Variants in PIEZO2 observed in about 807,000 individuals in gnomAD.
The protein encoded by PIEZO2 is piezo type mechanosensitive ion channel component 2, also known as piezo-type mechanosensitive ion channel component 2.
Under a neutral mutation model 337.3 loss-of-function variants are expected in PIEZO2, and 172 were observed. That is an observed-to-expected ratio of 0.51 (90% confidence interval 0.45 to 0.58). The LOEUF (loss-of-function observed/expected upper bound fraction) is 0.58, where lower values mean the gene tolerates loss of function less well. Among genes scored for constraint, PIEZO2 ranks in the 20% least tolerant of loss-of-function variants. The pLI, the probability that PIEZO2 is intolerant of heterozygous loss-of-function variation, is 0.00. For synonymous variants in PIEZO2, 1,251 were observed against 1,228.5 expected (o/e 1.02, Z -0.38); for missense variants, 3,028 against 3,391.3 (o/e 0.89, Z 2.66).
intron 1 of PIEZO2, among the ~76,000 whole-genome samples, chr18:11,075,962 A>G (rs1435203814): frequency 6.6e-6 from 1 of 151,822 alleles, no homozygotes; most frequent in African/African-American, 2.4e-5. Context: ...GCTAATTTGT[A>G]TTTTTAGTAG....
chr18:10,780,765 T>C (rs2038954342), intron 17 of PIEZO2, among the ~76,000 whole-genome samples: 1 of 149,620 alleles, frequency 6.7e-6, no homozygotes, highest in African/African-American at 2.5e-5. Flanking sequence ...TGGGTTCAAG[T>C]GATTCTCCTG....
At chr18:10,897,253 C>G (rs971666457) in intron 4 of PIEZO2, among the ~76,000 whole-genome samples, 3 of 151,984 alleles carry the variant, frequency 2.0e-5, no homozygotes, top group African/African-American at 7.3e-5. Flanking sequence ...GTGGTGCAAC[C>G]TCGGCTCACT....
At position 10,763,259 on chromosome 18, in the gene PIEZO2, G is replaced by A. The variant is rs568068249; in HGVS notation, c.2947-161C>T. ...CCCTAGGTGCTGGGGTACTAAAGTAGGTGAGTTATGGTCTCACCCCTCAAG... is the reference window on the plus strand; with the variant it reads ...CCCTAGGTGCTGGGGTACTAAAGTAAGTGAGTTATGGTCTCACCCCTCAAG... On this transcript the variant is annotated intron_variant, in intron 21 of 55. Coordinates refer to ENST00000674853, the MANE Select transcript of PIEZO2 (RefSeq NM_001378183.1). 3.0e-4 allele frequency: 207 copies of A among 687,810 alleles called. No homozygotes were observed. The African/African-American group carries it at 3.5e-3, about 11-fold the overall frequency. 42.6% of individuals were successfully genotyped at this position (687,810 alleles called of 1,614,324 possible).
chr18:10,841,967 C>T (rs1221194431), intron 7 of PIEZO2, among the ~76,000 whole-genome samples: 2 of 152,056 alleles, frequency 1.3e-5, no homozygotes, highest in East Asian at 3.9e-4. Context: ...ACCATCCTGG[C>T]CAACATGGTG....
intron 3 of PIEZO2, among the ~76,000 whole-genome samples, chr18:10,924,323 C>A (rs528132800): frequency 6.6e-6 from 1 of 151,586 alleles, no homozygotes; most frequent in South Asian, 2.1e-4. Flanking sequence ...TGCCAAAATT[C>A]CCCTGAAATT....
At position 10,704,652 on chromosome 18, in the gene PIEZO2, C is replaced by T. The variant is rs1598379217; in HGVS notation, c.6000G>A (p.Lys2000=). 3 of 1,534,956 alleles carry T rather than the reference C, an allele frequency of 2.0e-6. No homozygotes were observed. Among genetic ancestry groups the T allele is most frequent in the Admixed American group, 2.0e-5 (1 of 50,960 alleles). ...ELTASELLLK[K]MFHDDELEES... ...CTTCAAGCTCATCGTCGTGAAACATCCTGTTAAAGCAAACCACATGATAAT... is the reference window on the plus strand; with the variant it reads ...CTTCAAGCTCATCGTCGTGAAACATTCTGTTAAAGCAAACCACATGATAAT... Residue 2000 remains lysine (K), a splice_region_variant and synonymous_variant, in exon 42 of 56, where the codon AAG becomes AAA. Transcript: ENST00000674853.
In PIEZO2 at chr18:10,846,249, G is replaced by A. The variant is rs1374064550; in HGVS notation, c.917+9104C>T. On this transcript the variant is annotated intron_variant, in intron 7 of 55. Transcript: ENST00000674853. This position sits in a 1 kb window ranked among gnomAD's most constrained non-coding sequence, Gnocchi z 4.1. Reference sequence around the variant, plus strand: ...GGAGCAAGTCACATCTTACACAGATGGCAGCAGGCAAAGAGAGAGCTCATG... The same window carrying A: ...GGAGCAAGTCACATCTTACACAGATAGCAGCAGGCAAAGAGAGAGCTCATG... Among the ~76,000 whole-genome samples, 1 of 152,160 alleles carries A rather than the reference G, an allele frequency of 6.6e-6. No homozygotes were observed. Among genetic ancestry groups the A allele is most frequent in the Non-Finnish European group, 1.5e-5 (1 of 68,038 alleles).
chr18:11,115,647 A>G (rs958682780), intron 1 of PIEZO2, among the ~76,000 whole-genome samples: 1 of 152,222 alleles, frequency 6.6e-6, no homozygotes, highest in Non-Finnish European at 1.5e-5. Context: ...TATGGAGAAC[A>G]TATGTAACCT....
chr18:10,886,501 C>CTATGTGTATATATATATATATATATATAT (rs1568165954), intron 4 of PIEZO2, among the ~76,000 whole-genome samples: 1 of 11,826 alleles, frequency 8.5e-5, no homozygotes, highest in Non-Finnish European at 1.6e-4. Context: ...TATATATACG[C>CTATGTGTATATATATATATATATATATAT]ATATACACAT....
intron 3 of PIEZO2, among the ~76,000 whole-genome samples, chr18:10,933,577 G>T (rs2032212758): frequency 6.6e-6 from 1 of 152,118 alleles, no homozygotes; most frequent in South Asian, 2.1e-4. Flanking sequence ...TGATGGAATT[G>T]TACCTCCTCT....
chr18:10,788,451 G>A lies in PIEZO2; in HGVS notation c.2169+628C>T, dbSNP rs1417269560. ...GAAAGGAAGGAAGGAAGGAAGGAAG[G>A]AAGGAAGGAAGGAAGGAAGGAAGGA... On this transcript the variant is annotated intron_variant, in intron 15 of 55. Coordinates refer to ENST00000674853, the MANE Select transcript of PIEZO2 (RefSeq NM_001378183.1). Among the ~76,000 whole-genome samples the A allele has an allele frequency of 4.9e-5, 7 of 144,178 alleles. No individual in the cohort carries two copies. The South Asian group carries it at 1.5e-3, about 31-fold the overall frequency. 94.6% of individuals were successfully genotyped at this position (144,178 alleles called of 152,430 possible).
chr18:10,921,333 C>T (rs2145136106), intron 3 of PIEZO2, among the ~76,000 whole-genome samples: 1 of 152,206 alleles, frequency 6.6e-6, no homozygotes, highest in Non-Finnish European at 1.5e-5. Context: ...CCGGCTGAAG[C>T]CATGGCAGAA....
chr18:10,717,349 C>T (rs147494507), intron 37 of PIEZO2, among the ~76,000 whole-genome samples: 62 of 152,272 alleles, frequency 4.1e-4, no homozygotes, highest in Non-Finnish European at 6.8e-4. Flanking sequence ...TGAGGACTGG[C>T]ACGGTGGAGG....
At chr18:10,948,814 T>C (rs1030680761) in intron 3 of PIEZO2, among the ~76,000 whole-genome samples, 1 of 152,236 alleles carries the variant, frequency 6.6e-6, no homozygotes, top group Non-Finnish European at 1.5e-5. Context: ...TTATAATGTG[T>C]GTATGTTACA....
intron 7 of PIEZO2, among the ~76,000 whole-genome samples, chr18:10,810,558 GA>G (rs2040157035): frequency 6.6e-6 from 1 of 152,160 alleles, no homozygotes; most frequent in Admixed American, 6.6e-5. Flanking sequence ...CTGAGTCCCA[GA>G]AAAGCACCCC....
Position 10,846,287 on chromosome 18 carries a change from C to A in PIEZO2, c.917+9066G>T, listed in dbSNP as rs867344837. On this transcript the variant is annotated intron_variant, in intron 7 of 55. Coordinates refer to ENST00000674853, the MANE Select transcript of PIEZO2 (RefSeq NM_001378183.1). The surrounding 1 kb of genome is among the most constrained non-coding windows in gnomAD (Gnocchi z 4.1). ...GAGAGAGCTCATGCAGGCAAACTCCCGTTTTTTAAAACCATCAGATTTGTG... is the reference window on the plus strand; with the variant it reads ...GAGAGAGCTCATGCAGGCAAACTCCAGTTTTTTAAAACCATCAGATTTGTG... 6.6e-6 allele frequency among the ~76,000 whole-genome samples: 1 copy of A among 152,270 alleles called. No individual in the cohort carries two copies. The highest frequency in any genetic ancestry group is 2.4e-5 in the African/African-American group (1 of 41,538).
intron 2 of PIEZO2, among the ~76,000 whole-genome samples, chr18:11,046,555 C>G (rs7242917): frequency 6.6e-6 from 1 of 152,238 alleles, no homozygotes; most frequent in African/African-American, 2.4e-5. Context: ...AGAGAGTGCA[C>G]GCGTCCACAC....
At chr18:11,073,375 G>A (rs2038414514) in intron 1 of PIEZO2, among the ~76,000 whole-genome samples, 1 of 152,180 alleles carries the variant, frequency 6.6e-6, no homozygotes, top group South Asian at 2.1e-4. Flanking sequence ...AAGGGTTAAG[G>A]CTTGTCTTGA....
chr18:10,684,332 A>ATTT (rs61237263), intron 49 of PIEZO2, among the ~76,000 whole-genome samples: 1 of 148,018 alleles, frequency 6.8e-6, no homozygotes, highest in African/African-American at 2.5e-5. Context: ...TGCCTGGCTA[A>ATTT]TTTTTTGTAT....
Sources: gnomAD v4.1 joint callset for allele counts (sites outside exome capture counted in the v4.1 genomes callset) on GRCh38, gnomAD v4.1.1 for gene constraint, Gnocchi (gnomAD v3.1) non-coding constraint, MANE v1.5 for transcripts, NCBI Gene and HGNC (gene_info 2026-07-23, HGNC 2026-07-21) for gene names.